The following DCAF6 variants were observed in gnomAD, a reference collection of about 807,000 sequenced individuals.
DCAF6 encodes DDB1 and CUL4 associated factor 6, also known as DDB1- and CUL4-associated factor 6.
DCAF6 carries 54 observed loss-of-function variants against 125.1 expected under a neutral mutation model. The observed-to-expected ratio is 0.43, with a 90% CI of 0.35 to 0.54. DCAF6 has a LOEUF of 0.54. Ranked by LOEUF, DCAF6 falls within the 20% of genes least tolerant of loss-of-function variation. The pLI, the probability that DCAF6 is intolerant of heterozygous loss-of-function variation, is 0.01. For synonymous variants in DCAF6, 371 were observed against 390.4 expected (o/e 0.95, Z 0.58); for missense variants, 934 against 1,161.7 (o/e 0.80, Z 2.85).
chr1:167,875,186 G>C, the DCAF6 span: 1 of 1,614,014 alleles, frequency 6.2e-7, no homozygotes, highest in Non-Finnish European at 8.5e-7. Flanking sequence ...TACCAAACAT[G>C]CTGAAGAGAA....
chr1:167,952,608 C>T (rs568077083), intron 2 of DCAF6, among the ~76,000 whole-genome samples: 3 of 152,282 alleles, frequency 2.0e-5, no homozygotes, highest in South Asian at 2.1e-4. Flanking sequence ...TGACTTGCTA[C>T]ATCTTCTCTG....
chr1:167,932,410 T>C (rs1055653444), upstream of DCAF6, among the ~76,000 whole-genome samples: 2 of 152,258 alleles, frequency 1.3e-5, no homozygotes, highest in Non-Finnish European at 2.9e-5. Flanking sequence ...CAGTGTTTCA[T>C]TGTGTGCACC....
intron 5 of DCAF6, among the ~76,000 whole-genome samples, chr1:167,989,234 A>G (rs1305640702): frequency 6.6e-6 from 1 of 152,232 alleles, no homozygotes; most frequent in African/African-American, 2.4e-5. Context: ...TGTTTGATAT[A>G]CCTGTTCCTT....
At chr1:167,893,591 G>A in the DCAF6 span, among the ~76,000 whole-genome samples, 12 of 151,268 alleles carry the variant, frequency 7.9e-5, no homozygotes, top group Non-Finnish European at 1.3e-4. Flanking sequence ...GCGCATGTGG[G>A]AGGCTGAGGC....
At chr1:167,945,434 C>G (rs995641409) in intron 1 of DCAF6, among the ~76,000 whole-genome samples, 1 of 151,986 alleles carries the variant, frequency 6.6e-6, no homozygotes, top group African/African-American at 2.4e-5. Context: ...GATTTTACCT[C>G]TGGTTAAATA....
chr1:168,035,343 A>T (rs1687664125), intron 12 of DCAF6, among the ~76,000 whole-genome samples: 1 of 152,194 alleles, frequency 6.6e-6, no homozygotes, highest in Non-Finnish European at 1.5e-5. Flanking sequence ...GCTACTCAGG[A>T]GGCTGAGGTG....
At chr1:168,035,234 C>T (rs1572034501) in intron 12 of DCAF6, among the ~76,000 whole-genome samples, 1 of 152,094 alleles carries the variant, frequency 6.6e-6, no homozygotes, top group East Asian at 1.9e-4. Context: ...TTGCTTGAGC[C>T]CAGGAGTTAA....
At chr1:167,975,123 C>T in intron 4 of DCAF6, 108 bp downstream of exon 4, 1 of 571,490 alleles carries the variant, frequency 1.7e-6, no homozygotes, top group Non-Finnish European at 2.8e-6. Flanking sequence ...TGTGTGTATG[C>T]ACATTTGATG....
chr1:167,949,299 G>GGCAC (rs1673565679), intron 1 of DCAF6, among the ~76,000 whole-genome samples: 1 of 152,156 alleles, frequency 6.6e-6, no homozygotes, highest in Non-Finnish European at 1.5e-5. Flanking sequence ...TCGGAGCAGA[G>GGCAC]GCACTAGTCG....
At chr1:167,969,468 T>C (rs1389602688) in intron 3 of DCAF6, among the ~76,000 whole-genome samples, 3 of 152,248 alleles carry the variant, frequency 2.0e-5, no homozygotes, top group Non-Finnish European at 2.9e-5. Flanking sequence ...AGTTCATATA[T>C]AGAGGAAGTA....
the DCAF6 span, among the ~76,000 whole-genome samples, chr1:167,925,442 CATAT>C: frequency 0.095 from 7,831 of 82,440 alleles, 385 homozygotes; most frequent in Middle Eastern, 0.15. Flanking sequence ...TACATATACA[CATAT>C]ATATATATAT....
intron 4 of DCAF6, among the ~76,000 whole-genome samples, chr1:167,986,609 A>G (rs1188453550): frequency 6.6e-6 from 1 of 152,234 alleles, no homozygotes; most frequent in Non-Finnish European, 1.5e-5. Context: ...ACCAGGCATT[A>G]GCTTCTCATA....
At chr1:167,979,936 AC>A (rs200464935) in intron 4 of DCAF6, among the ~76,000 whole-genome samples, 1,564 of 152,186 alleles carry the variant, frequency 0.01, 32 homozygotes, top group African/African-American at 0.034. Context: ...TCATCCCAGC[AC>A]TTTGGGAGGC....
chr1:168,020,328 G>A (rs1334143431), intron 11 of DCAF6, among the ~76,000 whole-genome samples: 3 of 152,194 alleles, frequency 2.0e-5, no homozygotes, highest in African/African-American at 7.2e-5. Context: ...CCCAGGAAGT[G>A]TGGCTGAAGA....
chr1:168,035,271 C>T (rs1372927568), intron 12 of DCAF6, among the ~76,000 whole-genome samples: 1 of 152,112 alleles, frequency 6.6e-6, no homozygotes, highest in Non-Finnish European at 1.5e-5. Flanking sequence ...CATGGCAAAA[C>T]CCTGTTTCTA....
At chr1:167,863,634 C>T in the DCAF6 span, among the ~76,000 whole-genome samples, 558 of 152,312 alleles carry the variant, frequency 3.7e-3, 6 homozygotes, top group Non-Finnish European at 5.0e-3. Flanking sequence ...GCTCCTTAGG[C>T]GGCTTTAGCC....
chr1:167,915,741 G>A, the DCAF6 span, among the ~76,000 whole-genome samples: 103 of 152,222 alleles, frequency 6.8e-4, no homozygotes, highest in African/African-American at 2.3e-3. Flanking sequence ...ATGCACCACC[G>A]CGCCTGGCCC....
At chr1:168,042,836 G>A (rs1015024223) in intron 13 of DCAF6, 189 bp from the exon 14 acceptor site, 20 of 459,428 alleles carry the variant, frequency 4.4e-5, no homozygotes, top group Admixed American at 3.4e-5. Context: ...TTTTTTTCAA[G>A]AGTAAAGTGT....
chr1:168,054,811 C>T (rs760095083), intron 17 of DCAF6, among the ~76,000 whole-genome samples: 4 of 145,466 alleles, frequency 2.7e-5, no homozygotes, highest in South Asian at 2.1e-4. Flanking sequence ...AAAGAACATA[C>T]GGGTTTGGTT....
Sources: gnomAD v4.1 joint callset for allele counts (sites outside exome capture counted in the v4.1 genomes callset) on GRCh38, gnomAD v4.1.1 for gene constraint, MANE v1.5 for transcripts, NCBI Gene and HGNC (gene_info 2026-07-23, HGNC 2026-07-21) for gene names.